HK1: variants seen among roughly 807,000 people sequenced by gnomAD.
The protein encoded by HK1 is hexokinase 1.
In HK1, 28 loss-of-function variants were observed where a neutral mutation model predicts 91.6. The observed-to-expected ratio is 0.31, with a 90% confidence interval of 0.23 to 0.42. HK1 has a LOEUF of 0.42. HK1 is among the 10% of genes least tolerant of loss of function. The pLI is 1.00. For missense variants in HK1, 770 were observed against 1,219.8 expected (o/e 0.63, Z 5.49); for synonymous variants, 430 against 468.1 (o/e 0.92, Z 1.05).
chr10:69,384,034 C>CAT (rs746063097), intron 10 of HK1, among the ~76,000 whole-genome samples: 2 of 152,242 alleles, frequency 1.3e-5, no homozygotes, highest in Admixed American at 6.5e-5. Context: ...CACACCTTGA[C>CAT]ATAAATTATT....
chr10:69,322,168 A>G (rs1002229864), intron 1 of HK1, among the ~76,000 whole-genome samples: 1 of 152,204 alleles, frequency 6.6e-6, no homozygotes, highest in African/African-American at 2.4e-5. Context: ...GCTTCTAAAG[A>G]AAGATTAGAC....
chr10:69,337,090 G>A (rs1848033228), intron 1 of HK1, among the ~76,000 whole-genome samples: 1 of 152,146 alleles, frequency 6.6e-6, no homozygotes, highest in African/African-American at 2.4e-5. Flanking sequence ...TGAAGTGGAG[G>A]ATTTATTATC....
intron 15 of HK1, among the ~76,000 whole-genome samples, chr10:69,393,752 C>A (rs1840016119): frequency 6.6e-6 from 1 of 152,194 alleles, no homozygotes; most frequent in African/African-American, 2.4e-5. Context: ...TGAACTAAGA[C>A]CCCCTTTGGG....
intron 2 of HK1, among the ~76,000 whole-genome samples, chr10:69,345,628 A>G (rs1324026459): frequency 6.6e-6 from 1 of 152,078 alleles, no homozygotes; most frequent in Non-Finnish European, 1.5e-5. Flanking sequence ...AGGCTACCTG[A>G]TCCCTGCGAG....
At chr10:69,372,826 G>A (rs967298088) in intron 7 of HK1, among the ~76,000 whole-genome samples, 1 of 152,032 alleles carries the variant, frequency 6.6e-6, no homozygotes, top group Non-Finnish European at 1.5e-5. Flanking sequence ...TATTGTAAAA[G>A]CTCCCTGGGC....
chr10:69,339,738 T>C lies in HK1; in HGVS notation c.64-4089T>C, dbSNP rs561706483. Among the ~76,000 whole-genome samples the C allele has an allele frequency of 4.5e-4, 69 of 152,344 alleles. 1 individual carries two copies. The highest frequency in any genetic ancestry group is 1.7e-3 in the African/African-American group (69 of 41,584). ...AGCTGCCTTTTCTAGAAGCTTCTCC[T>C]GTCCAGCGGGAAAACCCCAACAGCT... On this transcript the variant is annotated intron_variant, in intron 1 of 17. Transcript: ENST00000359426.
At chr10:69,323,435 A>C (rs1417114076) in intron 1 of HK1, among the ~76,000 whole-genome samples, 1 of 151,658 alleles carries the variant, frequency 6.6e-6, no homozygotes, top group Non-Finnish European at 1.5e-5. Flanking sequence ...CATTGAGCCC[A>C]AAAGATTGAT....
In HK1 at chr10:69,364,803, G is replaced by A; in HGVS notation, c.396G>A (p.Glu132=). ...SGSQLFDHVA[E]CLGDFMEKRK... is the part of the protein sequence containing the mutation. The stretch of plus-strand genomic sequence containing the variant: ...TTCAGCTTTTTGATCATGTTGCTGA[G>A]TGCCTGGGAGATTTCATGGAGAAAA... Residue 132 remains glutamate (E), a synonymous_variant, in exon 4 of 18, where the codon GAG becomes GAA. Coordinates refer to ENST00000359426, the MANE Select transcript of HK1 (RefSeq NM_000188.3). The A allele has an allele frequency of 6.2e-7, 1 of 1,614,184 alleles. No homozygotes were observed. The highest frequency in any genetic ancestry group is 8.5e-7 in the Non-Finnish European group (1 of 1,180,030).
upstream of HK1, among the ~76,000 whole-genome samples, chr10:69,313,861 T>G (rs1370263960): frequency 1.3e-5 from 2 of 152,052 alleles, no homozygotes. Flanking sequence ...AAACATCAGG[T>G]GGGCCAAATA....
At chr10:69,277,374 C>A (rs1844523568) in intron 1 of HK1, among the ~76,000 whole-genome samples, 1 of 152,070 alleles carries the variant, frequency 6.6e-6, no homozygotes, top group East Asian at 1.9e-4. Flanking sequence ...TCGAGACCAG[C>A]CTGGGCAAAA....
chr10:69,290,999 G>C (rs74138354), intron 3 of HK1, among the ~76,000 whole-genome samples: 4,546 of 152,226 alleles, frequency 0.03, 220 homozygotes, highest in African/African-American at 0.1. Context: ...CCTTCACCCC[G>C]CAACCAGAGT....
In HK1 at chr10:69,401,102, G is replaced by A. The variant is rs1340457130; in HGVS notation, c.2721G>A (p.Val907=). ...AGGGGGCCGCCCTCATCACGGCCGTGGGCGTGCGGTTACGCACAGAGGCAA... is the reference window on the plus strand; with the variant it reads ...AGGGGGCCGCCCTCATCACGGCCGTAGGCGTGCGGTTACGCACAGAGGCAA... ...SGKGAALITA[V]GVRLRTEASS Residue 907 remains valine, a synonymous_variant, in exon 18 of 18, where the codon GTG becomes GTA. Coordinates refer to ENST00000359426, the MANE Select transcript of HK1 (RefSeq NM_000188.3). 6.2e-7 allele frequency: 1 copy of A among 1,614,086 alleles called. No homozygotes were observed. The highest frequency in any genetic ancestry group is 8.5e-7 in the Non-Finnish European group (1 of 1,180,036).
intron 2 of HK1, chr10:69,288,555 G>A (rs1845135894): frequency 1.4e-6 from 1 of 691,166 alleles, no homozygotes; most frequent in Non-Finnish European, 2.6e-6. Context: ...CTAGAAATGT[G>A]TCTGCACTAT....
At chr10:69,389,629 T>C (rs1192417566) in intron 14 of HK1, among the ~76,000 whole-genome samples, 5 of 151,750 alleles carry the variant, frequency 3.3e-5, no homozygotes, top group Admixed American at 1.3e-4. Flanking sequence ...ACATGGCAGC[T>C]CTATGGGCCT....
intron 1 of HK1, among the ~76,000 whole-genome samples, chr10:69,340,922 C>T (rs1406152427): frequency 1.3e-5 from 2 of 152,120 alleles, no homozygotes; most frequent in East Asian, 3.9e-4. Flanking sequence ...CCCTCCCTCC[C>T]CTTCGGACTT....
chr10:69,373,683 C>A (rs953290623), intron 7 of HK1, among the ~76,000 whole-genome samples: 1 of 151,784 alleles, frequency 6.6e-6, no homozygotes, highest in African/African-American at 2.4e-5. Context: ...CTTAAACTCC[C>A]AGGCTTAGGT....
At chr10:69,287,025 G>A (rs1256743290) in intron 2 of HK1, among the ~76,000 whole-genome samples, 1 of 152,014 alleles carries the variant, frequency 6.6e-6, no homozygotes, top group Admixed American at 6.6e-5. Flanking sequence ...GTATTAGTCT[G>A]TTTTCGCACT....
chr10:69,368,813 C>T (rs1849839415), intron 5 of HK1, among the ~76,000 whole-genome samples, 182 bp downstream of exon 5: 1 of 152,094 alleles, frequency 6.6e-6, no homozygotes, highest in Non-Finnish European at 1.5e-5. Context: ...AAGCCCAGCT[C>T]TCGGAGGTGC....
At position 69,326,523 on chromosome 10, in the gene HK1, C is replaced by G. The variant is rs140203222; in HGVS notation, c.63+7513C>G. ...CAGGAATAGGATTCAGAGGGCTCTTCTTGCTTCCTCTGTTTCCTTCTTTTA... is the reference window on the plus strand; with the variant it reads ...CAGGAATAGGATTCAGAGGGCTCTTGTTGCTTCCTCTGTTTCCTTCTTTTA... On this transcript the variant is annotated intron_variant, in intron 1 of 17. Transcript: ENST00000359426. Among the ~76,000 whole-genome samples, 22 of 152,326 alleles carry G rather than the reference C, an allele frequency of 1.4e-4. 1 individual carries two copies. Among genetic ancestry groups the G allele is most frequent in the African/African-American group, 5.3e-4 (22 of 41,574 alleles).
Sources: allele counts gnomAD v4.1 joint callset (sites outside exome capture counted in the v4.1 genomes callset), GRCh38; gene constraint gnomAD v4.1.1; transcripts MANE v1.5; gene names NCBI Gene and HGNC (gene_info 2026-07-23, HGNC 2026-07-21).